FAM3C: variants seen among roughly 807,000 people sequenced by gnomAD.
FAM3C encodes the protein FAM3 metabolism regulating signaling molecule C, also known as protein FAM3C.
In FAM3C, 15 loss-of-function variants were observed where a neutral mutation model predicts 32.5. The ratio of observed to expected loss-of-function variants is 0.46; its 90% confidence interval spans 0.31 to 0.71. The LOEUF (loss-of-function observed/expected upper bound fraction) is 0.71. FAM3C is among the 30% of genes least tolerant of loss of function. The pLI is 0.05. For synonymous variants in FAM3C, 75 were observed against 86.1 expected, an observed-to-expected ratio of 0.87 and a Z score of 0.72; for missense variants, 175 against 274.4, an observed-to-expected ratio of 0.64 and a Z score of 2.56.
intron 2 of FAM3C, among the ~76,000 whole-genome samples, chr7:121,380,927 T>C (rs187020227): frequency 6.6e-5 from 10 of 152,184 alleles, no homozygotes; most frequent in South Asian, 6.2e-4. Context: ...AGCGGCAACA[T>C]TGAGTCTTAA....
At chr7:121,377,861 C>T (rs1794270057) in intron 3 of FAM3C, among the ~76,000 whole-genome samples, 1 of 152,162 alleles carries the variant, frequency 6.6e-6, no homozygotes, top group African/African-American at 2.4e-5. Context: ...GTGTGGTAGG[C>T]TATACCATCT....
chr7:121,373,225 C>T (rs942989008), intron 3 of FAM3C, among the ~76,000 whole-genome samples: 2 of 150,230 alleles, frequency 1.3e-5, no homozygotes, highest in African/African-American at 5.0e-5. Context: ...ATAACATCAC[C>T]TCCATTTAAT....
chr7:121,360,261 G>A (rs1305484529), intron 7 of FAM3C, 134 bp from the exon 8 acceptor site: 6 of 576,604 alleles, frequency 1.0e-5, no homozygotes, highest in Non-Finnish European at 6.2e-6. Context: ...CCAAAAGACA[G>A]ACAAATCTCA....
intron 5 of FAM3C, among the ~76,000 whole-genome samples, chr7:121,369,719 C>T (rs1167508355): frequency 6.6e-6 from 1 of 152,106 alleles, no homozygotes; most frequent in Non-Finnish European, 1.5e-5. Context: ...GCTTCTAAGA[C>T]AGTGATGTGT....
At chr7:121,390,345 C>T (rs1794549784) in intron 1 of FAM3C, among the ~76,000 whole-genome samples, 1 of 152,190 alleles carries the variant, frequency 6.6e-6, no homozygotes, top group African/African-American at 2.4e-5. Context: ...TAACCAACTC[C>T]ATCTTGCTTC....
intron 5 of FAM3C, 86 bp downstream of exon 5, chr7:121,371,214 A>T: frequency 6.8e-7 from 1 of 1,473,624 alleles, no homozygotes; most frequent in South Asian, 1.2e-5. Context: ...TATACCGAAC[A>T]CATTTTCAAA....
At chr7:121,362,866 A>G in intron 7 of FAM3C, 31 bp downstream of exon 7, 1 of 1,322,610 alleles carries the variant, frequency 7.6e-7, no homozygotes, top group Non-Finnish European at 1.1e-6. Context: ...CAGTGCCAGC[A>G]AAAGAACACA....
At chr7:121,387,091 T>C (rs1206796358) in intron 1 of FAM3C, among the ~76,000 whole-genome samples, 1 of 152,116 alleles carries the variant, frequency 6.6e-6, no homozygotes, top group Non-Finnish European at 1.5e-5. Context: ...AAAGCAACCA[T>C]AGCCAACATG....
At chr7:121,351,999 T>C (rs998688578) in intron 8 of FAM3C, among the ~76,000 whole-genome samples, 1 of 152,088 alleles carries the variant, frequency 6.6e-6, no homozygotes, top group Admixed American at 6.6e-5. Context: ...AGAACATAAA[T>C]GGTAGCTATA....
intron 7 of FAM3C, 83 bp from the exon 8 acceptor site, chr7:121,360,210 A>C: frequency 1.3e-6 from 1 of 746,120 alleles, no homozygotes; most frequent in Non-Finnish European, 2.4e-6. Flanking sequence ...ATTATAAAAC[A>C]TGAAGTATCT....
At chr7:121,392,178 C>G (rs1267007446) in intron 1 of FAM3C, among the ~76,000 whole-genome samples, 1 of 152,152 alleles carries the variant, frequency 6.6e-6, no homozygotes, top group Middle Eastern at 3.2e-3. Context: ...TCTAAAGATG[C>G]TTCTATTGTA....
At chr7:121,374,995 T>C (rs904057332) in intron 3 of FAM3C, among the ~76,000 whole-genome samples, 3 of 152,202 alleles carry the variant, frequency 2.0e-5, no homozygotes, top group African/African-American at 7.2e-5. Context: ...AATCAGCATT[T>C]ACTGATTGCA....
intron 8 of FAM3C, among the ~76,000 whole-genome samples, chr7:121,352,473 A>G (rs1269020223): frequency 6.6e-6 from 1 of 152,240 alleles, no homozygotes; most frequent in African/African-American, 2.4e-5. Context: ...AGAATCAGCA[A>G]GAAAATAAGC....
intron 8 of FAM3C, among the ~76,000 whole-genome samples, chr7:121,357,524 T>C (rs1175902493): frequency 6.6e-6 from 1 of 152,132 alleles, no homozygotes; most frequent in African/African-American, 2.4e-5. Flanking sequence ...ATATTAGATG[T>C]AGATTGCCTT....
intron 1 of FAM3C, among the ~76,000 whole-genome samples, chr7:121,386,672 C>G (rs1250642968): frequency 7.1e-6 from 1 of 141,788 alleles, no homozygotes; most frequent in Non-Finnish European, 1.5e-5. Flanking sequence ...TATATCTATA[C>G]ATACACACAC....
intron 5 of FAM3C, among the ~76,000 whole-genome samples, chr7:121,365,476 T>C (rs903172302): frequency 6.6e-6 from 1 of 152,110 alleles, no homozygotes; most frequent in Non-Finnish European, 1.5e-5. Flanking sequence ...ACCTCAAGTC[T>C]AGAACTTGAG....
At chr7:121,368,436 A>G (rs1424281646) in intron 5 of FAM3C, among the ~76,000 whole-genome samples, 1 of 152,158 alleles carries the variant, frequency 6.6e-6, no homozygotes, top group Non-Finnish European at 1.5e-5. Context: ...TATTTTTATT[A>G]TCTACTTATA....
intron 1 of FAM3C, among the ~76,000 whole-genome samples, 168 bp from the exon 2 acceptor site, chr7:121,383,178 C>T (rs1233270851): frequency 1.3e-5 from 2 of 151,476 alleles, no homozygotes. Flanking sequence ...TCCACTGGAC[C>T]ATAAGACCTC....
intron 1 of FAM3C, among the ~76,000 whole-genome samples, chr7:121,387,487 C>A (rs565263092): frequency 5.5e-4 from 83 of 152,144 alleles, no homozygotes; most frequent in African/African-American, 2.0e-3. Flanking sequence ...CACACGTGTT[C>A]ATCAAACATT....
Sources: allele counts gnomAD v4.1 joint callset (sites outside exome capture counted in the v4.1 genomes callset), GRCh38; gene constraint gnomAD v4.1.1; transcripts MANE v1.5; gene names NCBI Gene and HGNC (gene_info 2026-07-23, HGNC 2026-07-21).